RNF214: variants seen among roughly 807,000 people sequenced by gnomAD.
RNF214 encodes ring finger protein 214.
In RNF214, 25 loss-of-function variants were observed where a neutral mutation model predicts 75.9. That is an observed-to-expected ratio of 0.33 (90% CI 0.24 to 0.46). RNF214 has a LOEUF of 0.46. RNF214 is among the 20% of genes least tolerant of loss of function. The probability of loss-of-function intolerance (pLI) is 1.00; values close to 1 mark genes in which losing one functional copy is unlikely to be tolerated. For missense variants in RNF214, 725 were observed against 857.5 expected (o/e 0.85, Z 1.93); for synonymous variants, 314 against 308.8 (o/e 1.02, Z -0.18).
Position 117,285,177 on chromosome 11 carries a change from A to G in RNF214, c.*26A>G. 6.6e-7 allele frequency: 1 copy of G among 1,523,774 alleles called. No individual in the cohort carries two copies. The highest frequency in any genetic ancestry group is 9.1e-7 in the Non-Finnish European group (1 of 1,097,648). 94.4% of individuals were successfully genotyped at this position (1,523,774 alleles called of 1,614,324 possible). ...CGGACCTGACTGGGGAGGAAGAAGAAGAGAAACTGATGTGAACAGGAAGCG... is the reference window on the plus strand; with the variant it reads ...CGGACCTGACTGGGGAGGAAGAAGAGGAGAAACTGATGTGAACAGGAAGCG... On this transcript the variant is annotated 3_prime_UTR_variant, in exon 15 of 15. Coordinates refer to ENST00000300650, the MANE Select transcript of RNF214 (RefSeq NM_207343.4).
At chr11:117,272,611 T>A (rs2033936452) in intron 6 of RNF214, among the ~76,000 whole-genome samples, 1 of 148,426 alleles carries the variant, frequency 6.7e-6, no homozygotes, top group Non-Finnish European at 1.5e-5. Flanking sequence ...AAATTAAAAT[T>A]TTTTTTTTTT....
chr11:117,275,805 A>G (rs560120823), intron 6 of RNF214, among the ~76,000 whole-genome samples: 14 of 152,344 alleles, frequency 9.2e-5, no homozygotes, highest in South Asian at 6.2e-4. Flanking sequence ...AAATTCTACC[A>G]GACATTCAAA....
chr11:117,250,374 T>G lies in RNF214; in HGVS notation c.959+3426T>G, dbSNP rs908961399. Among the ~76,000 whole-genome samples the G allele has an allele frequency of 5.9e-5, 9 of 152,346 alleles. No individual in the cohort carries two copies. The South Asian group carries it at 1.2e-3, about 21-fold the overall frequency. Reference sequence around the variant, plus strand: ...GTAATACTGTGTCAGTGTTATGTATTTTGGGTGTATAAACCCATGTTGTTG... The same window carrying G: ...GTAATACTGTGTCAGTGTTATGTATGTTGGGTGTATAAACCCATGTTGTTG... On this transcript the variant is annotated intron_variant, in intron 6 of 14. Transcript: ENST00000300650.
intron 6 of RNF214, among the ~76,000 whole-genome samples, chr11:117,252,328 G>C (rs1042297667): frequency 2.6e-5 from 4 of 152,210 alleles, no homozygotes; most frequent in Admixed American, 1.3e-4. Context: ...GAACACATTT[G>C]TAAGACATTT....
chr11:117,257,309 C>T (rs544586380), intron 6 of RNF214, among the ~76,000 whole-genome samples: 4 of 152,264 alleles, frequency 2.6e-5, no homozygotes, highest in Non-Finnish European at 5.9e-5. Flanking sequence ...GCACTCCAGC[C>T]TGGGCAACAG....
At chr11:117,265,336 A>T (rs1419262073) in intron 6 of RNF214, among the ~76,000 whole-genome samples, 3 of 152,106 alleles carry the variant, frequency 2.0e-5, no homozygotes, top group African/African-American at 4.8e-5. Flanking sequence ...AAGATTTATA[A>T]TTTTCTTGGA....
At chr11:117,235,494 C>T (rs1457338634) in intron 2 of RNF214, among the ~76,000 whole-genome samples, 1 of 142,746 alleles carries the variant, frequency 7.0e-6, no homozygotes, top group Non-Finnish European at 1.5e-5. Context: ...CCACGCCCAG[C>T]CTTTTTTTTT....
intron 6 of RNF214, among the ~76,000 whole-genome samples, chr11:117,268,524 T>TA (rs1847130968): frequency 6.6e-6 from 1 of 152,232 alleles, no homozygotes; most frequent in Non-Finnish European, 1.5e-5. Flanking sequence ...TATTTTCCCT[T>TA]ATACCACATA....
At chr11:117,276,612 T>C (rs1020282946) in intron 6 of RNF214, among the ~76,000 whole-genome samples, 4 of 152,028 alleles carry the variant, frequency 2.6e-5, no homozygotes, top group Non-Finnish European at 5.9e-5. Flanking sequence ...AAAAAGAAAA[T>C]AAGAAAATAA....
intron 6 of RNF214, among the ~76,000 whole-genome samples, chr11:117,250,765 TCCGCAGTGTTTGTGTCC>T (rs1213018564): frequency 7.0e-6 from 1 of 143,354 alleles, no homozygotes; most frequent in Non-Finnish European, 1.5e-5. Flanking sequence ...CCTGCGGCCT[TCCGCAGTGTTTGTGTCC>T]CTGGGTACTT....
chr11:117,244,887 G>A (rs1052711476), intron 5 of RNF214, among the ~76,000 whole-genome samples: 1 of 151,534 alleles, frequency 6.6e-6, no homozygotes, highest in Non-Finnish European at 1.5e-5. Flanking sequence ...GGCTGGTCTT[G>A]AACTCCAGAC....
intron 6 of RNF214, among the ~76,000 whole-genome samples, chr11:117,268,081 A>G (rs570285584): frequency 1.6e-4 from 24 of 152,338 alleles, no homozygotes; most frequent in African/African-American, 5.3e-4. Flanking sequence ...AAGATAAACA[A>G]TTGTTAGTCC....
At chr11:117,236,507 T>C (rs2032915851) in intron 2 of RNF214, among the ~76,000 whole-genome samples, 1 of 151,276 alleles carries the variant, frequency 6.6e-6, no homozygotes, top group African/African-American at 2.4e-5. Flanking sequence ...CTTCCGACCT[T>C]GTGATCCGCC....
intron 2 of RNF214, among the ~76,000 whole-genome samples, chr11:117,237,878 A>G (rs1174366584): frequency 1.3e-5 from 2 of 152,208 alleles, no homozygotes; most frequent in African/African-American, 4.8e-5. Context: ...GTTCTGGTCA[A>G]AGATCTGTAT....
intron 6 of RNF214, among the ~76,000 whole-genome samples, chr11:117,268,253 G>T (rs566350147): frequency 6.6e-6 from 1 of 152,318 alleles, no homozygotes; most frequent in Admixed American, 6.5e-5. Context: ...TTGGAGCAAG[G>T]TGCTCTTCAG....
chr11:117,250,047 A>G (rs1005839794), intron 6 of RNF214, among the ~76,000 whole-genome samples: 1 of 152,234 alleles, frequency 6.6e-6, no homozygotes, highest in Non-Finnish European at 1.5e-5. Flanking sequence ...AAAAGTCTTC[A>G]AAGAGATTAC....
intron 8 of RNF214, among the ~76,000 whole-genome samples, chr11:117,280,637 A>G (rs1241848151): frequency 6.6e-6 from 1 of 152,178 alleles, no homozygotes; most frequent in East Asian, 1.9e-4. Context: ...GCATCACTGC[A>G]CTCCAGCCTA....
At chr11:117,252,763 G>A (rs543746942) in intron 6 of RNF214, among the ~76,000 whole-genome samples, 14 of 152,096 alleles carry the variant, frequency 9.2e-5, no homozygotes, top group South Asian at 2.1e-4. Context: ...CTCCTGTTCC[G>A]CCCGCCTTGG....
At chr11:117,252,625 A>C (rs945727615) in intron 6 of RNF214, among the ~76,000 whole-genome samples, 1 of 151,848 alleles carries the variant, frequency 6.6e-6, no homozygotes, top group African/African-American at 2.4e-5. Flanking sequence ...GATTCAAGCG[A>C]TTCTCCTGCC....
Sources: allele counts gnomAD v4.1 joint callset (sites outside exome capture counted in the v4.1 genomes callset), GRCh38; gene constraint gnomAD v4.1.1; transcripts MANE v1.5; gene names NCBI Gene and HGNC (gene_info 2026-07-23, HGNC 2026-07-21).